Variants in BRAF observed in about 807,000 individuals in gnomAD.
The protein encoded by BRAF is B-Raf proto-oncogene, serine/threonine kinase.
BRAF carries 16 observed loss-of-function variants against 104.6 expected under a neutral mutation model. That is an observed-to-expected ratio of 0.15 (90% confidence interval 0.10 to 0.23). The LOEUF is 0.23. Among genes scored for constraint, BRAF ranks in the 10% least tolerant of loss-of-function variants. The probability of loss-of-function intolerance (pLI) is 1.00; values close to 1 mark genes in which losing one functional copy is unlikely to be tolerated. For missense variants in BRAF, 541 were observed against 937.3 expected, an observed-to-expected ratio of 0.58 and a Z score of 5.52; for synonymous variants, 310 against 341.6, an observed-to-expected ratio of 0.91 and a Z score of 1.02.
rs955811335 is a variant in BRAF at position 140,721,938 on chromosome 7, G to C, written c.*4556C>G. ...TTACATTTCAAACTCTGAAAAATCA[G>C]TGTCTAGGTTGGCAGCAGTACTCTG... is the stretch of plus-strand genomic sequence containing the variant. On this transcript the variant is annotated 3_prime_UTR_variant, in exon 20 of 20. Coordinates refer to ENST00000644969, the MANE Select transcript of BRAF (RefSeq NM_001374258.1). 48 of 1,256,372 alleles carry C rather than the reference G, an allele frequency of 3.8e-5. No individual in the cohort carries two copies. The highest frequency in any genetic ancestry group is 4.6e-5 in the Non-Finnish European group (46 of 1,002,934). The allele number at this position is 1,256,372 out of a possible 1,614,324, so 77.8% of individuals were successfully genotyped here.
intron 2 of BRAF, 199 bp from the exon 3 acceptor site, chr7:140,835,071 T>C (rs553704486): frequency 9.3e-5 from 57 of 614,668 alleles, no homozygotes; most frequent in Admixed American, 3.5e-4. Flanking sequence ...TATTAGACAC[T>C]ACACTATATT....
chr7:140,819,788 TAG>T (rs1387361835), intron 3 of BRAF, among the ~76,000 whole-genome samples: 2 of 152,126 alleles, frequency 1.3e-5, no homozygotes, highest in East Asian at 3.9e-4. Flanking sequence ...GGCAAATCTA[TAG>T]AGATAGGGAG....
chr7:140,898,267 A>G (rs933789141), intron 1 of BRAF, among the ~76,000 whole-genome samples: 1 of 152,170 alleles, frequency 6.6e-6, no homozygotes. Flanking sequence ...ATGGATAAAG[A>G]AGACTATCCA....
intron 18 of BRAF, among the ~76,000 whole-genome samples, chr7:140,735,931 A>G (rs1262479643): frequency 1.3e-5 from 2 of 152,188 alleles, no homozygotes; most frequent in South Asian, 2.1e-4. Context: ...CAAAGAAGTA[A>G]GCAGTTGCAA....
rs370374597 is a variant in BRAF, at chr7:140,881,446, C to T, written c.139-31234G>A. Among the ~76,000 whole-genome samples, 29 of 152,254 alleles carry T rather than the reference C, an allele frequency of 1.9e-4. No individual in the cohort carries two copies. The South Asian group carries it at 5.6e-3, about 29-fold the overall frequency. On this transcript the variant is annotated intron_variant, in intron 1 of 19. Coordinates refer to ENST00000644969, the MANE Select transcript of BRAF (RefSeq NM_001374258.1). ...GCTTTTTAAAAATGAATGGAGACGA[C>T]GTCTCACTATGATGGCCAGGCTGGT...
In BRAF at chr7:140,720,604, G is replaced by T; in HGVS notation, c.*5890C>A. ...TATTGCACTCTTACATTTGATTTCA[G>T]GTAATTACAGTTTATTTCCCACCCT... On this transcript the variant is annotated 3_prime_UTR_variant, in exon 20 of 20. Coordinates refer to ENST00000644969, the MANE Select transcript of BRAF (RefSeq NM_001374258.1). The T allele has an allele frequency of 9.4e-7, 1 of 1,065,442 alleles. No homozygotes were observed. Among genetic ancestry groups the T allele is most frequent in the Non-Finnish European group, 1.1e-6 (1 of 879,544 alleles). 66.0% of individuals were successfully genotyped at this position (1,065,442 alleles called of 1,614,324 possible). A position where few individuals can be genotyped will look rare whatever the true frequency, so the allele number is the denominator to read the frequency against.
At chr7:140,859,892 T>C (rs1032211997) in intron 1 of BRAF, among the ~76,000 whole-genome samples, 2 of 152,102 alleles carry the variant, frequency 1.3e-5, no homozygotes, top group Non-Finnish European at 2.9e-5. Flanking sequence ...TTTCACCATA[T>C]TGGCCAGGAT....
chr7:140,791,315 T>C (rs1801943340), intron 8 of BRAF, among the ~76,000 whole-genome samples: 2 of 152,204 alleles, frequency 1.3e-5, no homozygotes, highest in African/African-American at 4.8e-5. Context: ...CCAAAATTGA[T>C]AGTCCTTTCA....
rs1320646304 is a variant in BRAF, at chr7:140,877,304, GT to G, written c.139-27093del. ...GTTTTTTTAAGAGATGGGGGGGGGG[GT>G]GGGTCTTGCATGTTGCGCAATCTAG... On this transcript the variant is annotated intron_variant, in intron 1 of 19. Coordinates refer to ENST00000644969, the MANE Select transcript of BRAF (RefSeq NM_001374258.1). Among the ~76,000 whole-genome samples the G allele has an allele frequency of 1.7e-3, 145 of 84,034 alleles. 1 individual carries two copies. The highest frequency in any genetic ancestry group is 0.012 in the Middle Eastern group (1 of 82). The allele number at this position is 84,034 out of a possible 152,430, so 55.1% of individuals were successfully genotyped here. A position where few individuals can be genotyped will look rare whatever the true frequency, so the allele number is the denominator to read the frequency against.
downstream of BRAF, among the ~76,000 whole-genome samples, chr7:140,715,165 C>T (rs1795107944): frequency 6.6e-6 from 1 of 152,136 alleles, no homozygotes; most frequent in African/African-American, 2.4e-5. Context: ...GGTTTCCAGT[C>T]CCACTTTGGT....
At chr7:140,775,076 T>C (rs1456610302) in intron 14 of BRAF, among the ~76,000 whole-genome samples, 2 of 152,050 alleles carry the variant, frequency 1.3e-5, no homozygotes, top group Admixed American at 6.6e-5. Flanking sequence ...CCTATGGGTA[T>C]AGAGAGTGAC....
In BRAF at chr7:140,745,617, C is replaced by T. The variant is rs538463526; in HGVS notation, c.2112+3670G>A. Among the ~76,000 whole-genome samples the T allele has an allele frequency of 4.6e-5, 7 of 152,226 alleles. No individual in the cohort carries two copies. The East Asian group carries it at 1.4e-3, about 29-fold the overall frequency. On this transcript the variant is annotated intron_variant, in intron 17 of 19. Transcript: ENST00000644969. ...ACACTCAGTACTCCTGGTGTCTCGA[C>T]CCTGTCAATTCACTCCATGGTATTA... is the stretch of plus-strand genomic sequence containing the variant.
chr7:140,718,669 CCACTG>C (rs1341400309), downstream of BRAF, among the ~76,000 whole-genome samples: 5 of 152,236 alleles, frequency 3.3e-5, no homozygotes, highest in Non-Finnish European at 5.9e-5. Flanking sequence ...CAGGCGTGAG[CCACTG>C]CACCTGGCTG....
At chr7:140,889,577 A>G (rs914981627) in intron 1 of BRAF, among the ~76,000 whole-genome samples, 1 of 152,236 alleles carries the variant, frequency 6.6e-6, no homozygotes, top group African/African-American at 2.4e-5. Flanking sequence ...GCTAACAGAT[A>G]TCAGTGTATT....
intron 1 of BRAF, among the ~76,000 whole-genome samples, chr7:140,896,711 C>A (rs1403847457): frequency 6.6e-6 from 1 of 151,904 alleles, no homozygotes; most frequent in South Asian, 2.1e-4. Flanking sequence ...ACTGAAAATA[C>A]AAAAATAAGC....
intron 2 of BRAF, among the ~76,000 whole-genome samples, chr7:140,843,566 T>C (rs1195817352): frequency 6.6e-6 from 1 of 152,236 alleles, no homozygotes; most frequent in African/African-American, 2.4e-5. Flanking sequence ...TCATGTTTCC[T>C]CTAAAATTTC....
Position 140,751,417 on chromosome 7 carries a change from A to G in BRAF, c.1980+1858T>C, listed in dbSNP as rs140176910. Among the ~76,000 whole-genome samples, 221 of 152,272 alleles carry G rather than the reference A, an allele frequency of 1.5e-3. 1 individual carries two copies. Among genetic ancestry groups the G allele is most frequent in the African/African-American group, 4.1e-3 (169 of 41,566 alleles). On this transcript the variant is annotated intron_variant, in intron 16 of 19. Coordinates refer to ENST00000644969, the MANE Select transcript of BRAF (RefSeq NM_001374258.1). ...AGGATACACTGCCATCTTTTTCACA[A>G]GGTGTGTATGCCTTAATAAAGGTGC...
chr7:140,875,724 G>A (rs189173044), intron 1 of BRAF, among the ~76,000 whole-genome samples: 1 of 152,248 alleles, frequency 6.6e-6, no homozygotes, highest in East Asian at 1.9e-4. Flanking sequence ...AAAATATAGG[G>A]GAACACCACT....
Position 140,721,594 on chromosome 7 carries a change from C to T in BRAF, c.*4900G>A, listed in dbSNP as rs1333902999. 1 of 1,534,040 alleles carries T rather than the reference C, an allele frequency of 6.5e-7. No individual in the cohort carries two copies. Among genetic ancestry groups the T allele is most frequent in the Admixed American group, 2.0e-5 (1 of 50,558 alleles). ...ACAGATATACTGGTGACTCCGCTCT[C>T]CTCTGGCCAAGCTACAAATCATCAC... On this transcript the variant is annotated 3_prime_UTR_variant, in exon 20 of 20. Coordinates refer to ENST00000644969, the MANE Select transcript of BRAF (RefSeq NM_001374258.1).
Sources: allele counts gnomAD v4.1 joint callset (sites outside exome capture counted in the v4.1 genomes callset), GRCh38; gene constraint gnomAD v4.1.1; transcripts MANE v1.5; gene names NCBI Gene and HGNC (gene_info 2026-07-23, HGNC 2026-07-21).